Variants in TLR8 observed in about 807,000 individuals in gnomAD.
TLR8 encodes the protein toll-like receptor 8.
A neutral mutation model predicts 18.5 loss-of-function variants in TLR8; 5 were observed. The ratio of observed to expected loss-of-function variants is 0.27; its 90% CI spans 0.14 to 0.57. The LOEUF (loss-of-function observed/expected upper bound fraction) is 0.57. Ranked by LOEUF, TLR8 falls within the 20% of genes least tolerant of loss-of-function variation. The pLI is 0.92. For synonymous variants in TLR8, 299 were observed against 300.1 expected (o/e 1.00, Z 0.04); for missense variants, 543 against 769.8 (o/e 0.71, Z 3.49).
rs1469949551 is a variant in TLR8 at position 12,919,419 on chromosome X, C to A, written c.379C>A (p.Leu127Ile). ...TDGAFLNLKN[L>I]RELLLEDNQL... Reference sequence around the variant, plus strand: ...CGGGGCATTCCTCAACCTAAAAAACCTAAGGGAGTTACTGCTTGAAGACAA... The same window carrying A: ...CGGGGCATTCCTCAACCTAAAAAACATAAGGGAGTTACTGCTTGAAGACAA... Residue 127 changes from leucine to isoleucine, a missense_variant, in exon 2 of 2, where the codon CTA becomes ATA. Physicochemically the swap from Leu to Ile is conservative, Grantham distance 5. Transcript: ENST00000218032. 2 of 1,211,247 alleles carry A rather than the reference C, an allele frequency of 1.7e-6. No individual in the cohort carries two copies. Among genetic ancestry groups the A allele is most frequent in the East Asian group, 5.9e-5 (2 of 33,855 alleles).
At chrX:12,918,058 C>A (rs939903939) in intron 1 of TLR8, among the ~76,000 whole-genome samples, 1 of 112,214 alleles carries the variant, frequency 8.9e-6, no homozygotes, top group Non-Finnish European at 1.9e-5. Flanking sequence ...GGACCTACTG[C>A]GTCATGTTCT....
In TLR8 at chrX:12,920,267, C is replaced by A; in HGVS notation, c.1227C>A (p.Ile409=). 2.5e-6 allele frequency: 3 copies of A among 1,205,996 alleles called. No individual in the cohort carries two copies. Among genetic ancestry groups the A allele is most frequent in the Non-Finnish European group, 3.4e-6 (3 of 893,111 alleles). Residue 409 remains isoleucine, a synonymous_variant, in exon 2 of 2, where the codon ATC becomes ATA. Coordinates refer to ENST00000218032, the MANE Select transcript of TLR8 (RefSeq NM_138636.5). ...INLGINFIKQ[I]DFKLFQNFSN... ...TGGGTATTAATTTTATTAAGCAAAT[C>A]GATTTCAAACTTTTCCAAAATTTCT... is the stretch of plus-strand genomic sequence containing the variant.
intron 1 of TLR8, among the ~76,000 whole-genome samples, chrX:12,917,734 AT>A (rs2043065099): frequency 8.9e-6 from 1 of 112,606 alleles, no homozygotes; most frequent in African/African-American, 3.2e-5. Context: ...GTGCATAAAA[AT>A]ATAAAGCACC....
intron 1 of TLR8, among the ~76,000 whole-genome samples, chrX:12,913,786 G>T (rs974633765): frequency 8.9e-6 from 1 of 112,086 alleles, no homozygotes; most frequent in Admixed American, 9.5e-5. Flanking sequence ...CTTAGAGGTG[G>T]TGTTAATTTA....
intron 1 of TLR8, chrX:12,908,106 C>T (rs1602447728): frequency 9.0e-6 from 1 of 110,730 alleles, no homozygotes; most frequent in African/African-American, 3.3e-5. Flanking sequence ...TTTGGGAAGC[C>T]GACGTGGGCG....
At chrX:12,915,964 C>G (rs180715770) in intron 1 of TLR8, among the ~76,000 whole-genome samples, 1 of 110,597 alleles carries the variant, frequency 9.0e-6, no homozygotes, top group Non-Finnish European at 1.9e-5. Context: ...TCACCACAAC[C>G]TCTGCCTCCT....
chrX:12,919,871 T>C lies in TLR8; in HGVS notation c.831T>C (p.Asn277=). ...CTTGTGATGGTGGTGCTTCAATTAATATAGATCGTTTTGCTTTTCAAAACT... is the reference window on the plus strand; with the variant it reads ...CTTGTGATGGTGGTGCTTCAATTAACATAGATCGTTTTGCTTTTCAAAACT... ...CVPCDGGASI[N]IDRFAFQNLT... is the part of the protein sequence containing the mutation. Residue 277 remains asparagine (N), a synonymous_variant, in exon 2 of 2, where the codon AAT becomes AAC. Transcript: ENST00000218032. 8 of 1,211,723 alleles carry C rather than the reference T, an allele frequency of 6.6e-6. No individual in the cohort carries two copies. Among genetic ancestry groups the C allele is most frequent in the Non-Finnish European group, 8.9e-6 (8 of 895,482 alleles).
chrX:12,910,543 C>A, intron 1 of TLR8: 1 of 945,910 alleles, frequency 1.1e-6, no homozygotes, highest in Non-Finnish European at 1.5e-6. Flanking sequence ...TGGCAGCGTC[C>A]CTACCTTTGT....
rs139980479 is a variant in TLR8, at chrX:12,919,110, T to A, written c.70T>A (p.Leu24Ile). 1 of 1,211,518 alleles carries A rather than the reference T, an allele frequency of 8.3e-7. No individual in the cohort carries two copies. The stretch of plus-strand genomic sequence containing the variant: ...CCTGCTAATATCTGGTTCCTGTGAG[T>A]TATGCGCCGAAGAAAATTTTTCTAG... ...IFLLISGSCE[L>I]CAEENFSRSY... Residue 24 changes from leucine to isoleucine, a missense_variant, in exon 2 of 2, where the codon TTA becomes ATA. Physicochemically the swap from Leu to Ile is conservative, Grantham distance 5 (BLOSUM62 2). Transcript: ENST00000218032.
chrX:12,907,242 G>T (rs935620674), intron 1 of TLR8, among the ~76,000 whole-genome samples: 2 of 112,109 alleles, frequency 1.8e-5, no homozygotes, highest in African/African-American at 6.5e-5. Flanking sequence ...TAAATAATTA[G>T]GTTGGTACAA....
intron 1 of TLR8, chrX:12,910,358 A>G (rs1423679282): frequency 8.6e-7 from 1 of 1,166,550 alleles, no homozygotes; most frequent in Admixed American, 2.6e-5. Context: ...ATCCCAGGAG[A>G]CCTTGAAGGA....
chrX:12,921,368 C>A lies in TLR8; in HGVS notation c.2328C>A (p.Cys776Ter). ...MLELHGNPFE[C>*]TCDIGDFRRW... ...AACTACACGGAAACCCCTTTGAATGCACCTGTGACATTGGAGATTTCCGAA... is the reference window on the plus strand; with the variant it reads ...AACTACACGGAAACCCCTTTGAATGAACCTGTGACATTGGAGATTTCCGAA... Residue 776 changes from cysteine to a stop codon, truncating the protein, a stop_gained, in exon 2 of 2, where the codon TGC (cysteine) becomes TGA (stop). Coordinates refer to ENST00000218032, the MANE Select transcript of TLR8 (RefSeq NM_138636.5). LOFTEE classifies it high-confidence loss of function. 8.3e-7 allele frequency: 1 copy of A among 1,211,698 alleles called. No individual in the cohort carries two copies. Among genetic ancestry groups the A allele is most frequent in the Non-Finnish European group, 1.1e-6 (1 of 895,317 alleles).
rs994511479 is a variant in TLR8 at position 12,922,573 on chromosome X, C to T, written c.*407C>T. 35 of 126,007 alleles carry T rather than the reference C, an allele frequency of 2.8e-4. No individual in the cohort carries two copies. The highest frequency in any genetic ancestry group is 9.9e-4 in the African/African-American group (31 of 31,409). The allele number at this position is 126,007 out of a possible 1,213,427, so 10.4% of individuals were successfully genotyped here. ...AAGTCACAATCTTTTGTAATCGAAT[C>T]AAAAAAGTGATATCTCATCACTTTG... On this transcript the variant is annotated 3_prime_UTR_variant, in exon 2 of 2. Transcript: ENST00000218032.
intron 1 of TLR8, among the ~76,000 whole-genome samples, chrX:12,913,590 A>G (rs1396535748): frequency 1.8e-5 from 2 of 112,670 alleles, no homozygotes; most frequent in Non-Finnish European, 3.8e-5. Context: ...TACCCAGACT[A>G]CTACTCATAG....
In TLR8 at chrX:12,919,270, A is replaced by G. The variant is rs745722261; in HGVS notation, c.230A>G (p.His77Arg). The change falls in exon 2 of 2, where the codon CAC (histidine) becomes CGC (arginine). Residue 77 changes from histidine to arginine, a missense_variant. Coordinates refer to ENST00000218032, the MANE Select transcript of TLR8 (RefSeq NM_138636.5). ...GACCTGTCTGATAATTTCATCACACACATAACGAATGAATCATTTCAAGGG... is the reference window on the plus strand; with the variant it reads ...GACCTGTCTGATAATTTCATCACACGCATAACGAATGAATCATTTCAAGGG... Reference protein sequence around the residue: ...ELDLSDNFITHITNESFQGLQ... With the variant: ...ELDLSDNFITRITNESFQGLQ... 1 of 1,212,192 alleles carries G rather than the reference A, an allele frequency of 8.2e-7. No homozygotes were observed. Among genetic ancestry groups the G allele is most frequent in the Non-Finnish European group, 1.1e-6 (1 of 895,633 alleles).
Position 12,921,978 on chromosome X carries a change from C to T in TLR8, c.2938C>T (p.Leu980=), listed in dbSNP as rs1213109142. ...ENMDVIIFIL[L]EPVLQHSQYL... ...CATGGATGTGATTATATTTATCCTG[C>T]TGGAGCCAGTGTTACAGCATTCTCA... Residue 980 remains leucine, a synonymous_variant, in exon 2 of 2, where the codon CTG becomes TTG. Coordinates refer to ENST00000218032, the MANE Select transcript of TLR8 (RefSeq NM_138636.5). 8.3e-7 allele frequency: 1 copy of T among 1,211,511 alleles called. No homozygotes were observed. The highest frequency in any genetic ancestry group is 1.1e-6 in the Non-Finnish European group (1 of 895,250).
At chrX:12,906,869 C>T (rs926754626) in intron 1 of TLR8, among the ~76,000 whole-genome samples, 160 bp downstream of exon 1, 1 of 112,189 alleles carries the variant, frequency 8.9e-6, no homozygotes, top group Non-Finnish European at 1.9e-5. Context: ...GCAGGTAAAG[C>T]GGCTTGCTAT....
At chrX:12,912,271 C>T (rs2043026843) in intron 1 of TLR8, among the ~76,000 whole-genome samples, 1 of 112,927 alleles carries the variant, frequency 8.9e-6, no homozygotes, top group Non-Finnish European at 1.9e-5. Context: ...GTATCCTTCT[C>T]ACTTCATCTG....
intron 1 of TLR8, among the ~76,000 whole-genome samples, chrX:12,911,722 ACTTAT>A (rs1202458958): frequency 8.9e-6 from 1 of 112,300 alleles, no homozygotes; most frequent in African/African-American, 3.2e-5. Flanking sequence ...CCAATCTAAT[ACTTAT>A]CTTATTTCTA....
Sources: allele counts gnomAD v4.1 joint callset (sites outside exome capture counted in the v4.1 genomes callset), GRCh38; gene constraint gnomAD v4.1.1; transcripts MANE v1.5; gene names NCBI Gene and HGNC (gene_info 2026-07-23, HGNC 2026-07-21).